The following PCDHGA5 variants were observed in gnomAD, a reference collection of about 807,000 sequenced individuals.
PCDHGA5 encodes protocadherin gamma subfamily A, 5.
Under a neutral mutation model 56.7 loss-of-function variants are expected in PCDHGA5, and 36 were observed. The observed-to-expected ratio is 0.64, with a 90% confidence interval of 0.49 to 0.84. The LOEUF (loss-of-function observed/expected upper bound fraction) is 0.84, where lower values mean the gene tolerates loss of function less well. PCDHGA5 is among the 40% of genes least tolerant of loss of function. The pLI, the probability that PCDHGA5 is intolerant of heterozygous loss-of-function variation, is 0.00. For missense variants in PCDHGA5, 1,305 were observed against 1,201.5 expected (o/e 1.09, Z -1.27); for synonymous variants, 563 against 520.2 (o/e 1.08, Z -1.12).
Position 141,431,351 on chromosome 5 carries a change from C to T in PCDHGA5, c.2422-63456C>T, listed in dbSNP as rs1411192998. On this transcript the variant is annotated intron_variant, in intron 1 of 3. Coordinates refer to ENST00000518069, the MANE Select transcript of PCDHGA5 (RefSeq NM_018918.3). The surrounding 1 kb of genome is among the most constrained non-coding windows in gnomAD (Gnocchi z 4.8). ...TAAGTACCCCGAATTGGTGCTGAAACGCGCCCTGGACCGCGAAGAAAAGGC... is the reference window on the plus strand; with the variant it reads ...TAAGTACCCCGAATTGGTGCTGAAATGCGCCCTGGACCGCGAAGAAAAGGC... The T allele has an allele frequency of 1.9e-6, 3 of 1,613,946 alleles. No homozygotes were observed. Among genetic ancestry groups the T allele is most frequent in the African/African-American group, 2.7e-5 (2 of 74,938 alleles).
chr5:141,482,763 T>TGC (rs2099571981), intron 1 of PCDHGA5, among the ~76,000 whole-genome samples: 1 of 127,550 alleles, frequency 7.8e-6, no homozygotes, highest in African/African-American at 3.6e-5. Flanking sequence ...GGTATTTCAT[T>TGC]ATCACTGAAC....
In PCDHGA5 at chr5:141,431,889, A is replaced by G; in HGVS notation, c.2422-62918A>G. 1 of 1,614,170 alleles carries G rather than the reference A, an allele frequency of 6.2e-7. No homozygotes were observed. The highest frequency in any genetic ancestry group is 2.2e-5 in the East Asian group (1 of 44,888). On this transcript the variant is annotated intron_variant, in intron 1 of 3. Transcript: ENST00000518069. The surrounding 1 kb of genome is among the most constrained non-coding windows in gnomAD (Gnocchi z 4.8). The stretch of plus-strand genomic sequence containing the variant: ...TTAAATGTAAATGACCAAGATTCTG[A>G]GGAAAACGGACAGGTGATCTGTTTC...
chr5:141,448,705 C>T (rs2098601893), intron 1 of PCDHGA5, among the ~76,000 whole-genome samples: 1 of 152,100 alleles, frequency 6.6e-6, no homozygotes, highest in Non-Finnish European at 1.5e-5. Context: ...CTTTGGGAGG[C>T]CGAGGCGGGA....
chr5:141,490,480 C>A lies in PCDHGA5; in HGVS notation c.2422-4327C>A, dbSNP rs564439931. ...GCTGCTAACCAGCCAGCCTTTGGAC[C>A]GGGAGGCCACATCCCACTATATCAT... On this transcript the variant is annotated intron_variant, in intron 1 of 3. Transcript: ENST00000518069. The surrounding 1 kb of genome is among the most constrained non-coding windows in gnomAD (Gnocchi z 5.4). 2.5e-5 allele frequency: 40 copies of A among 1,614,076 alleles called. No homozygotes were observed. The highest frequency in any genetic ancestry group is 5.9e-6 in the Non-Finnish European group (7 of 1,180,058).
At chr5:141,426,427 G>A in intron 1 of PCDHGA5, 2 of 293,710 alleles carry the variant, frequency 6.8e-6, no homozygotes, top group Non-Finnish European at 1.3e-5. Context: ...CTCCGTGGTG[G>A]GGAACCTTGC....
chr5:141,505,270 G>C, intron 2 of PCDHGA5, 123 bp from the exon 3 acceptor site: 1 of 1,520,726 alleles, frequency 6.6e-7, no homozygotes, highest in African/African-American at 1.4e-5. Context: ...CTTGCTGAGA[G>C]AAACAGGTCT....
intron 1 of PCDHGA5, among the ~76,000 whole-genome samples, chr5:141,459,561 C>T (rs912894386): frequency 2.6e-5 from 4 of 151,954 alleles, no homozygotes; most frequent in African/African-American, 7.3e-5. Context: ...GGATAAATAC[C>T]CCAAAACAGA....
chr5:141,453,701 AAC>A (rs1250174252), intron 1 of PCDHGA5, among the ~76,000 whole-genome samples: 1 of 152,240 alleles, frequency 6.6e-6, no homozygotes, highest in Non-Finnish European at 1.5e-5. Context: ...CCTGGCTTTG[AAC>A]AGTTTCACTA....
intron 1 of PCDHGA5, chr5:141,422,687 T>C: frequency 6.2e-7 from 1 of 1,604,936 alleles, no homozygotes; most frequent in Non-Finnish European, 8.5e-7. Flanking sequence ...CAGAATGCCC[T>C]GGTCACTTAC....
At chr5:141,483,291 A>T (rs767446911) in intron 1 of PCDHGA5, among the ~76,000 whole-genome samples, 4 of 152,126 alleles carry the variant, frequency 2.6e-5, no homozygotes, top group African/African-American at 4.8e-5. Flanking sequence ...TGTCAGTCAT[A>T]AGTGAAGGGA....
At chr5:141,419,204 GC>G (rs2096344015) in intron 1 of PCDHGA5, 9 of 1,613,916 alleles carry the variant, frequency 5.6e-6, no homozygotes, top group Non-Finnish European at 7.6e-6. Context: ...CAATGACAAC[GC>G]GCCGGTTTTC....
chr5:141,403,127 C>G, intron 1 of PCDHGA5: 1 of 1,614,062 alleles, frequency 6.2e-7, no homozygotes, highest in Non-Finnish European at 8.5e-7. Context: ...GCCCCGGGAG[C>G]TGGCGGAGCG....
At position 141,364,225 on chromosome 5, in the gene PCDHGA5, G is replaced by T. The variant is rs1763227856; in HGVS notation, c.-106G>T. ...AGACAAGCTCCTACGAAAAGCCAAC[G>T]CTCCACGCCCATTTTCGTCAGGGAA... On this transcript the variant is annotated 5_prime_UTR_variant, in exon 1 of 4. Coordinates refer to ENST00000518069, the MANE Select transcript of PCDHGA5 (RefSeq NM_018918.3). The T allele has an allele frequency of 2.9e-6, 4 of 1,362,414 alleles. No homozygotes were observed. The highest frequency in any genetic ancestry group is 3.9e-6 in the Non-Finnish European group (4 of 1,022,540). 84.4% of individuals were successfully genotyped at this position (1,362,414 alleles called of 1,614,324 possible). A position where few individuals can be genotyped will look rare whatever the true frequency, so the allele number is the denominator to read the frequency against.
chr5:141,365,589 T>C lies in PCDHGA5; in HGVS notation c.1259T>C (p.Ile420Thr), dbSNP rs779313790. The C allele has an allele frequency of 7.4e-6, 12 of 1,613,518 alleles. No homozygotes were observed. Among genetic ancestry groups the C allele is most frequent in the Middle Eastern group, 1.6e-4 (1 of 6,084 alleles). The part of the protein sequence containing the change: ...LDREETSDYN[I>T]TLTVMDHGTP... ...AGAGAAGAGACTTCAGATTATAATATCACTTTAACCGTCATGGACCATGGA... is the reference window on the plus strand; with the variant it reads ...AGAGAAGAGACTTCAGATTATAATACCACTTTAACCGTCATGGACCATGGA... The change falls in exon 1 of 4, where the codon ATC becomes ACC. Residue 420 changes from isoleucine to threonine, a missense_variant. Coordinates refer to ENST00000518069, the MANE Select transcript of PCDHGA5 (RefSeq NM_018918.3).
intron 1 of PCDHGA5, chr5:141,423,625 A>G (rs375112361): frequency 1.6e-5 from 25 of 1,606,754 alleles, no homozygotes; most frequent in Admixed American, 6.8e-5. Flanking sequence ...AGACTCAGCT[A>G]TCATTTTAGG....
intron 1 of PCDHGA5, chr5:141,376,286 A>T: frequency 6.2e-7 from 1 of 1,614,174 alleles, no homozygotes; most frequent in Non-Finnish European, 8.5e-7. Flanking sequence ...CTTAGCGAGC[A>T]TGCCCGGCTC....
chr5:141,507,861 C>G (rs538942097), intron 3 of PCDHGA5, among the ~76,000 whole-genome samples: 6 of 152,306 alleles, frequency 3.9e-5, no homozygotes, highest in South Asian at 4.1e-4. Flanking sequence ...CTTTCACACC[C>G]GCTTCCTAGC....
rs772043134 is a variant in PCDHGA5, at chr5:141,432,746, G to A, written c.2422-62061G>A. 1.2e-6 allele frequency: 2 copies of A among 1,614,098 alleles called. No homozygotes were observed. Among genetic ancestry groups the A allele is most frequent in the East Asian group, 4.5e-5 (2 of 44,860 alleles). On this transcript the variant is annotated intron_variant, in intron 1 of 3. Coordinates refer to ENST00000518069, the MANE Select transcript of PCDHGA5 (RefSeq NM_018918.3). The surrounding 1 kb of genome is among the most constrained non-coding windows in gnomAD (Gnocchi z 6.0). ...CTCCGCCACTGTCACGCTCACCGTGGCCGTGGCCGACAGCATCCCCCAAGT... is the reference window on the plus strand; with the variant it reads ...CTCCGCCACTGTCACGCTCACCGTGACCGTGGCCGACAGCATCCCCCAAGT...
intron 1 of PCDHGA5, chr5:141,371,904 T>A (rs1375493299): frequency 6.2e-7 from 1 of 1,613,398 alleles, no homozygotes. Context: ...GCTGTCGTCC[T>A]ACGTGTCCGT....
Sources: allele counts gnomAD v4.1 joint callset (sites outside exome capture counted in the v4.1 genomes callset), GRCh38; gene constraint gnomAD v4.1.1; non-coding constraint Gnocchi (gnomAD v3.1); transcripts MANE v1.5; gene names NCBI Gene and HGNC (gene_info 2026-07-23, HGNC 2026-07-21).